Variants in WIPF1 observed in about 807,000 individuals in gnomAD.
WIPF1 encodes the protein WAS/WASL interacting protein family member 1.
WIPF1 carries 13 observed loss-of-function variants against 35.4 expected under a neutral mutation model. That is an observed-to-expected ratio of 0.37 (90% confidence interval 0.24 to 0.58). The LOEUF is 0.58. WIPF1 is among the 20% of genes least tolerant of loss of function. The pLI is 0.74. For synonymous variants in WIPF1, 267 were observed against 266.3 expected, an observed-to-expected ratio of 1.00 and a Z score of -0.02; for missense variants, 591 against 667.0, an observed-to-expected ratio of 0.89 and a Z score of 1.25.
Position 174,562,370 on chromosome 2 carries a change from A to G in WIPF1, c.*177T>C. The G allele has an allele frequency of 1.3e-6, 2 of 1,482,284 alleles. No individual in the cohort carries two copies. 91.8% of individuals were successfully genotyped at this position (1,482,284 alleles called of 1,614,324 possible). A position where few individuals can be genotyped will look rare whatever the true frequency, so the allele number is the denominator to read the frequency against. ...AGCCTGGAGAATAAACACAATATGA[A>G]AAGCTAGGTGCATTTCTTACCGATT... On this transcript the variant is annotated 3_prime_UTR_variant, in exon 8 of 8. Transcript: ENST00000679041.
intron 1 of WIPF1, among the ~76,000 whole-genome samples, chr2:174,624,321 GC>G (rs1436901073): frequency 2.0e-5 from 3 of 152,136 alleles, no homozygotes; most frequent in Admixed American, 6.5e-5. Context: ...TAAACTTGGG[GC>G]CCTCTGAAAA....
intron 1 of WIPF1, among the ~76,000 whole-genome samples, chr2:174,658,230 A>G (rs917964515): frequency 5.3e-5 from 8 of 152,188 alleles, no homozygotes; most frequent in African/African-American, 9.7e-5. Flanking sequence ...AGAGATTATC[A>G]TGGTCAACCC....
At position 174,561,895 on chromosome 2, in the gene WIPF1, A is replaced by G; in HGVS notation, c.*652T>C. 1.5e-6 allele frequency: 1 copy of G among 678,002 alleles called. No homozygotes were observed. The highest frequency in any genetic ancestry group is 1.8e-5 in the African/African-American group (1 of 55,568). 42.0% of individuals were successfully genotyped at this position (678,002 alleles called of 1,614,324 possible). ...TTTGAAGATTCAGTACCAAAAAATA[A>G]TATAAAATATCTCATTAAAATTTTA... On this transcript the variant is annotated 3_prime_UTR_variant, in exon 8 of 8. Coordinates refer to ENST00000679041, the MANE Select transcript of WIPF1 (RefSeq NM_001375834.1).
intron 1 of WIPF1, among the ~76,000 whole-genome samples, chr2:174,657,135 T>G (rs183487194): frequency 6.6e-6 from 1 of 152,238 alleles, no homozygotes; most frequent in Admixed American, 6.5e-5. Flanking sequence ...CTTGATGGAA[T>G]CTTGGATTGC....
In WIPF1 at chr2:174,571,848, A is replaced by C. The variant is rs112447307; in HGVS notation, c.957T>G (p.Pro319=). 0.049 allele frequency: 79,285 copies of C among 1,613,880 alleles called. 2,334 individuals are homozygous for C. Among genetic ancestry groups the C allele is most frequent in the South Asian group, 0.11 (10,021 of 91,064 alleles). ...PPPPPSRPGP[P]PLPPSSSGND... The stretch of plus-strand genomic sequence containing the variant: ...TGCCGCTGGAACTTGGAGGCAGAGG[A>C]GGCGGCCCGGGCCTGCTGGGAGGTG... The change falls in exon 5 of 8, where the codon CCT becomes CCG. Residue 319 remains proline, a synonymous_variant. Transcript: ENST00000679041. The surrounding 1 kb of genome is among the most constrained non-coding windows in gnomAD (Gnocchi z 4.6).
intron 1 of WIPF1, chr2:174,629,731 C>G (rs1686957889): frequency 6.6e-6 from 1 of 152,268 alleles, no homozygotes; most frequent in African/African-American, 2.4e-5. Context: ...TAGCAGCCCT[C>G]CATCTAGCCT....
intron 1 of WIPF1, among the ~76,000 whole-genome samples, chr2:174,595,096 AAAAAAAAAAAAAAATATATATATAT>A (rs1685754409): frequency 2.6e-5 from 1 of 39,112 alleles, no homozygotes; most frequent in Admixed American, 3.5e-4. Context: ...TACAAAAAAA[AAAAAAAAAAAAAAATATATATATAT>A]ATATATATAT....
At chr2:174,644,751 A>T (rs1010105460) in intron 1 of WIPF1, among the ~76,000 whole-genome samples, 1 of 152,244 alleles carries the variant, frequency 6.6e-6, no homozygotes, top group African/African-American at 2.4e-5. Flanking sequence ...TGAGGAGCTC[A>T]ATTGAGAAAA....
chr2:174,660,715 G>A (rs769662538), intron 1 of WIPF1, among the ~76,000 whole-genome samples: 1 of 152,154 alleles, frequency 6.6e-6, no homozygotes, highest in African/African-American at 2.4e-5. Context: ...GGATCAGACC[G>A]TCTGCCTTTA....
At chr2:174,632,088 C>T (rs1687039184) in intron 1 of WIPF1, among the ~76,000 whole-genome samples, 1 of 152,200 alleles carries the variant, frequency 6.6e-6, no homozygotes, top group Non-Finnish European at 1.5e-5. Flanking sequence ...TCATCTCTTT[C>T]CACTTTGACC....
intron 1 of WIPF1, among the ~76,000 whole-genome samples, chr2:174,636,164 C>T: frequency 6.6e-6 from 1 of 152,142 alleles, no homozygotes; most frequent in East Asian, 1.9e-4. Context: ...ATGATGATGA[C>T]TCAATTTGAA....
chr2:174,662,156 T>C (rs1010258418), intron 1 of WIPF1, among the ~76,000 whole-genome samples: 1 of 152,226 alleles, frequency 6.6e-6, no homozygotes, highest in Non-Finnish European at 1.5e-5. Flanking sequence ...AACCTATGCA[T>C]ATCCTTCAGT....
chr2:174,562,461 A>G lies in WIPF1; in HGVS notation c.*86T>C. On this transcript the variant is annotated 3_prime_UTR_variant, in exon 8 of 8. Transcript: ENST00000679041. ...TCCTCCTGCCCATACATGAGGCACA[A>G]GGGAAGAAGCAGGGAGGAGGGTATG... The G allele has an allele frequency of 6.2e-7, 1 of 1,602,064 alleles. No individual in the cohort carries two copies. Among genetic ancestry groups the G allele is most frequent in the Non-Finnish European group, 8.5e-7 (1 of 1,173,862 alleles).
At chr2:174,603,308 C>T (rs941875165) in intron 1 of WIPF1, among the ~76,000 whole-genome samples, 5 of 152,128 alleles carry the variant, frequency 3.3e-5, no homozygotes, top group Admixed American at 6.5e-5. Context: ...GGTATGGTCA[C>T]GTTTTCTATC....
intron 1 of WIPF1, among the ~76,000 whole-genome samples, chr2:174,624,701 C>T (rs1005585094): frequency 6.6e-6 from 1 of 152,180 alleles, no homozygotes; most frequent in Non-Finnish European, 1.5e-5. Context: ...GGCATTCATC[C>T]TTTAGTTGTT....
chr2:174,634,214 A>C (rs182998049), intron 1 of WIPF1, among the ~76,000 whole-genome samples: 1 of 152,254 alleles, frequency 6.6e-6, no homozygotes, highest in African/African-American at 2.4e-5. Context: ...GGTAAAAATG[A>C]CAAGAGGCCT....
chr2:174,586,732 C>T (rs1305360712), intron 1 of WIPF1, among the ~76,000 whole-genome samples: 3 of 152,230 alleles, frequency 2.0e-5, no homozygotes, highest in Non-Finnish European at 4.4e-5. Flanking sequence ...TCTCCCACCC[C>T]ATCCTTGCTA....
chr2:174,675,365 A>AT (rs1235646804), intron 1 of WIPF1, among the ~76,000 whole-genome samples: 6 of 150,700 alleles, frequency 4.0e-5, no homozygotes, highest in Admixed American at 1.3e-4. Flanking sequence ...TTATCTACTT[A>AT]TTTTTTTTTA....
At chr2:174,599,794 T>A (rs966632768), upstream of WIPF1, among the ~76,000 whole-genome samples, 27 of 73,918 alleles carry the variant, frequency 3.7e-4, no homozygotes, top group African/African-American at 1.6e-3. Context: ...ACACACACAC[T>A]CTCTCTCTCT....
Sources: gnomAD v4.1 joint callset for allele counts (sites outside exome capture counted in the v4.1 genomes callset) on GRCh38, gnomAD v4.1.1 for gene constraint, Gnocchi (gnomAD v3.1) non-coding constraint, MANE v1.5 for transcripts, NCBI Gene and HGNC (gene_info 2026-07-23, HGNC 2026-07-21) for gene names.